Variants in IPO11 observed in about 807,000 individuals in gnomAD.
IPO11 encodes the protein importin-11.
IPO11 carries 66 observed loss-of-function variants against 143.2 expected under a neutral mutation model. The ratio of observed to expected loss-of-function variants is 0.46; its 90% CI spans 0.38 to 0.57. The LOEUF is 0.57. Ranked by LOEUF, IPO11 falls within the 20% of genes least tolerant of loss-of-function variation. The pLI is 0.00. For synonymous variants in IPO11, 385 were observed against 377.8 expected (o/e 1.02, Z -0.22); for missense variants, 1,026 against 1,141.0 (o/e 0.90, Z 1.45).
intron 29 of IPO11, among the ~76,000 whole-genome samples, chr5:62,619,540 T>A (rs1006166085): frequency 3.3e-5 from 5 of 152,144 alleles, no homozygotes; most frequent in Admixed American, 2.6e-4. Context: ...GTCTTTACCA[T>A]GATAAAATAT....
chr5:62,458,078 C>T (rs1404244387), intron 5 of IPO11, among the ~76,000 whole-genome samples: 5 of 142,612 alleles, frequency 3.5e-5, no homozygotes, highest in African/African-American at 1.1e-4. Context: ...ATCGGGGAGG[C>T]GGAGCTTGCA....
intron 5 of IPO11, among the ~76,000 whole-genome samples, chr5:62,464,143 G>GTTTT (rs34056674): frequency 1.2e-3 from 93 of 78,664 alleles, no homozygotes; most frequent in Non-Finnish European, 1.5e-3. Context: ...GTTTTTGGTG[G>GTTTT]TTTTTTTTTT....
At chr5:62,616,599 A>G (rs1164512794) in intron 29 of IPO11, among the ~76,000 whole-genome samples, 1 of 151,524 alleles carries the variant, frequency 6.6e-6, no homozygotes, top group Non-Finnish European at 1.5e-5. Flanking sequence ...ATGCCCCTGT[A>G]GTCCCTGCTA....
intron 16 of IPO11, among the ~76,000 whole-genome samples, chr5:62,498,627 G>A (rs1388816898): frequency 6.6e-6 from 1 of 152,084 alleles, no homozygotes; most frequent in Non-Finnish European, 1.5e-5. Flanking sequence ...GGTGGCTCAC[G>A]CCTGTAATCC....
rs368060832 is a variant in IPO11, at chr5:62,545,358, G to A, written c.2251-5009G>A. 1.8e-4 allele frequency among the ~76,000 whole-genome samples: 27 copies of A among 152,030 alleles called. No homozygotes were observed. The South Asian group carries it at 4.1e-3, about 23-fold the overall frequency. On this transcript the variant is annotated intron_variant, in intron 24 of 29. Coordinates refer to ENST00000325324, the MANE Select transcript of IPO11 (RefSeq NM_016338.5). ...AAACAAGCAATGGGGAAAGGATTCC[G>A]TATTTAATAAATGGTGCTGGGAAAA...
At chr5:62,451,038 T>C (rs917953711) in intron 4 of IPO11, among the ~76,000 whole-genome samples, 3 of 152,120 alleles carry the variant, frequency 2.0e-5, no homozygotes, top group African/African-American at 7.2e-5. Flanking sequence ...AGGAGGTGAT[T>C]AGGGAGGGGT....
intron 1 of IPO11, among the ~76,000 whole-genome samples, chr5:62,434,156 T>G (rs1744087767): frequency 6.6e-6 from 1 of 152,156 alleles, no homozygotes; most frequent in Non-Finnish European, 1.5e-5. Context: ...AAGGCCTTTT[T>G]TCTAGTTGTT....
chr5:62,446,969 A>G (rs915378378), intron 3 of IPO11, among the ~76,000 whole-genome samples: 4 of 142,602 alleles, frequency 2.8e-5, no homozygotes, highest in African/African-American at 1.1e-4. Context: ...TCTGACTGCA[A>G]AAAAAAAAAA....
At chr5:62,478,091 C>G (rs1014261213) in intron 9 of IPO11, among the ~76,000 whole-genome samples, 1 of 151,994 alleles carries the variant, frequency 6.6e-6, no homozygotes, top group Non-Finnish European at 1.5e-5. Context: ...TATTTTAAAT[C>G]GAATCCCAGA....
chr5:62,515,659 A>T (rs1741988357), intron 20 of IPO11, among the ~76,000 whole-genome samples, 158 bp downstream of exon 20: 1 of 152,200 alleles, frequency 6.6e-6, no homozygotes, highest in South Asian at 2.1e-4. Flanking sequence ...CCGATTTAAA[A>T]ACAACTTTTG....
At chr5:62,496,068 T>A (rs1187031472) in intron 16 of IPO11, among the ~76,000 whole-genome samples, 1 of 152,068 alleles carries the variant, frequency 6.6e-6, no homozygotes, top group Non-Finnish European at 1.5e-5. Context: ...GGTGGGCTGA[T>A]CACGAGGTCA....
intron 6 of IPO11, among the ~76,000 whole-genome samples, chr5:62,468,285 A>T (rs1745637913): frequency 1.3e-5 from 2 of 152,078 alleles, no homozygotes; most frequent in Non-Finnish European, 1.5e-5. Flanking sequence ...CATTCTTTTT[A>T]GTTTTACCTA....
At chr5:62,419,061 G>T in intron 1 of IPO11, 4 of 1,551,188 alleles carry the variant, frequency 2.6e-6, no homozygotes, top group Non-Finnish European at 3.5e-6. Context: ...ATAGCTTATT[G>T]TATCTAGGCT....
At position 62,548,547 on chromosome 5, in the gene IPO11, G is replaced by A. The variant is rs531277433; in HGVS notation, c.2251-1820G>A. Among the ~76,000 whole-genome samples, 58 of 152,172 alleles carry A rather than the reference G, an allele frequency of 3.8e-4. 1 individual carries two copies. The highest frequency in any genetic ancestry group is 1.3e-3 in the African/African-American group (55 of 41,516). ...TCTTTAGAGAAAATACACTCTCTTCGTTCTCCTGGATTGGGCATCAGTTGT... is the reference window on the plus strand; with the variant it reads ...TCTTTAGAGAAAATACACTCTCTTCATTCTCCTGGATTGGGCATCAGTTGT... On this transcript the variant is annotated intron_variant, in intron 24 of 29. Coordinates refer to ENST00000325324, the MANE Select transcript of IPO11 (RefSeq NM_016338.5).
At chr5:62,623,815 A>G (rs1179195172) in intron 29 of IPO11, among the ~76,000 whole-genome samples, 1 of 151,366 alleles carries the variant, frequency 6.6e-6, no homozygotes, top group Non-Finnish European at 1.5e-5. Flanking sequence ...ATAGGGTTTC[A>G]TTGTATCATG....
chr5:62,573,836 C>CCA (rs1744226072), intron 27 of IPO11, among the ~76,000 whole-genome samples: 1 of 152,170 alleles, frequency 6.6e-6, no homozygotes, highest in Admixed American at 6.5e-5. Context: ...CAGTATTGTA[C>CCA]ATATACCTCT....
chr5:62,467,005 G>T, intron 5 of IPO11, 126 bp from the exon 6 acceptor site: 2 of 844,338 alleles, frequency 2.4e-6, no homozygotes, highest in Admixed American at 3.3e-5. Flanking sequence ...AATATTCTTT[G>T]ACTATTTCAG....
chr5:62,536,692 G>A lies in IPO11; in HGVS notation c.2090-10G>A. 1 of 1,574,206 alleles carries A rather than the reference G, an allele frequency of 6.4e-7. No individual in the cohort carries two copies. The highest frequency in any genetic ancestry group is 1.4e-5 in the African/African-American group (1 of 71,772). ...TTTGGTTTTTTGTTTGACATTTATT[G>A]TTTTGGCAGAACTAAGTTCAGAAAA... On this transcript the variant is annotated splice_polypyrimidine_tract_variant and intron_variant, in intron 22 of 29. Transcript: ENST00000325324.
intron 27 of IPO11, chr5:62,581,524 T>C (rs939100916): frequency 4.5e-6 from 2 of 447,488 alleles, no homozygotes; most frequent in Non-Finnish European, 8.0e-6. Context: ...AACATTTCTG[T>C]GTATCAAGCA....
Sources: gnomAD v4.1 joint callset for allele counts (sites outside exome capture counted in the v4.1 genomes callset) on GRCh38, gnomAD v4.1.1 for gene constraint, MANE v1.5 for transcripts, NCBI Gene and HGNC (gene_info 2026-07-23, HGNC 2026-07-21) for gene names.